COBLL1: variants seen among roughly 807,000 people sequenced by gnomAD.
The protein encoded by COBLL1 is cordon-bleu protein-like 1.
COBLL1 carries 50 observed loss-of-function variants against 94.8 expected under a neutral mutation model. That is an observed-to-expected ratio of 0.53 (90% CI 0.42 to 0.67). The LOEUF (loss-of-function observed/expected upper bound fraction) is 0.67, where lower values mean the gene tolerates loss of function less well. Among genes scored for constraint, COBLL1 ranks in the 30% least tolerant of loss-of-function variants. The probability of loss-of-function intolerance (pLI) is 0.00; values close to 1 mark genes in which losing one functional copy is unlikely to be tolerated. For synonymous variants in COBLL1, 448 were observed against 473.8 expected (o/e 0.95, Z 0.71); for missense variants, 1,362 against 1,348.7 (o/e 1.01, Z -0.15).
At chr2:164,673,055 T>G (rs1691272221) in intron 1 of COBLL1, among the ~76,000 whole-genome samples, 2 of 152,230 alleles carry the variant, frequency 1.3e-5, no homozygotes, top group Non-Finnish European at 2.9e-5. Context: ...TACTGAACTT[T>G]TCTCATGAAA....
intron 3 of COBLL1, among the ~76,000 whole-genome samples, chr2:164,730,718 C>T (rs191784964): frequency 6.6e-6 from 1 of 152,202 alleles, no homozygotes; most frequent in Admixed American, 6.5e-5. Flanking sequence ...TTTCCTTACC[C>T]AAGAGCAGTC....
intron 2 of COBLL1, among the ~76,000 whole-genome samples, chr2:164,779,265 TC>T (rs1326969468): frequency 6.6e-6 from 1 of 152,162 alleles, no homozygotes; most frequent in East Asian, 1.9e-4. Flanking sequence ...TCACAGGTTC[TC>T]TAATGAGAAA....
intron 2 of COBLL1, among the ~76,000 whole-genome samples, chr2:164,797,671 C>CAAG (rs934634199): frequency 6.6e-6 from 1 of 152,046 alleles, no homozygotes; most frequent in African/African-American, 2.4e-5. Flanking sequence ...CTTGTTTTTT[C>CAAG]AAGAAGTTCT....
At chr2:164,750,072 T>C (rs989345708) in intron 2 of COBLL1, among the ~76,000 whole-genome samples, 1 of 152,180 alleles carries the variant, frequency 6.6e-6, no homozygotes, top group Non-Finnish European at 1.5e-5. Context: ...TTCTACAACC[T>C]CCACCTCCAA....
At chr2:164,800,425 T>A in intron 2 of COBLL1, 2 of 623,868 alleles carry the variant, frequency 3.2e-6, no homozygotes, top group Non-Finnish European at 2.9e-6. Context: ...GATACTATGT[T>A]GGTGAGGATG....
intron 7 of COBLL1, among the ~76,000 whole-genome samples, chr2:164,710,293 C>T (rs1345992314): frequency 6.6e-6 from 1 of 152,014 alleles, no homozygotes; most frequent in African/African-American, 2.4e-5. Flanking sequence ...AAAGAAGGGA[C>T]ATTTAAGTTA....
intron 1 of COBLL1, among the ~76,000 whole-genome samples, chr2:164,670,836 C>T (rs924653874): frequency 4.6e-5 from 7 of 152,120 alleles, no homozygotes; most frequent in Admixed American, 3.9e-4. Context: ...CACTGAATTA[C>T]TTCTCAGAAC....
chr2:164,753,341 C>A (rs1047480440), intron 2 of COBLL1, among the ~76,000 whole-genome samples: 1 of 152,170 alleles, frequency 6.6e-6, no homozygotes, highest in Admixed American at 6.6e-5. Flanking sequence ...TCACTTCAGG[C>A]TTTCTGCCCC....
chr2:164,742,935 G>T (rs147037934), intron 3 of COBLL1, among the ~76,000 whole-genome samples: 2 of 152,206 alleles, frequency 1.3e-5, no homozygotes, highest in African/African-American at 4.8e-5. Context: ...ATAACAAATA[G>T]GCAGTTGAAG....
chr2:164,718,940 A>G (rs997318607), intron 7 of COBLL1, among the ~76,000 whole-genome samples: 1 of 152,080 alleles, frequency 6.6e-6, no homozygotes, highest in Non-Finnish European at 1.5e-5. Context: ...AAAAAGTTTA[A>G]AAGTAAAATT....
intron 2 of COBLL1, among the ~76,000 whole-genome samples, chr2:164,745,579 G>T (rs1304100185): frequency 6.6e-6 from 1 of 152,142 alleles, no homozygotes; most frequent in African/African-American, 2.4e-5. Flanking sequence ...TCGCCCCAAA[G>T]GATTGACAGG....
Position 164,680,673 on chromosome 2 carries a change from G to T in COBLL1, c.*5273C>A, listed in dbSNP as rs1682997636. On this transcript the variant is annotated 3_prime_UTR_variant, in exon 14 of 14. Coordinates refer to ENST00000652658, the MANE Select transcript of COBLL1 (RefSeq NM_001365672.2). ...CCAGATTTAGCTAAGAAAAATACAG[G>T]ATGCCTAGTTAGCTTGAACGTCAGA... The T allele has an allele frequency of 6.6e-6, 1 of 152,028 alleles. No homozygotes were observed. Among genetic ancestry groups the T allele is most frequent in the Non-Finnish European group, 1.5e-5 (1 of 67,998 alleles). 9.4% of individuals were successfully genotyped at this position (152,028 alleles called of 1,614,324 possible).
intron 2 of COBLL1, among the ~76,000 whole-genome samples, chr2:164,747,253 G>T (rs1160866907): frequency 6.6e-6 from 1 of 152,032 alleles, no homozygotes; most frequent in East Asian, 1.9e-4. Context: ...ATACACACTG[G>T]ATTTATTAGC....
chr2:164,771,742 TC>T (rs1359574230), intron 2 of COBLL1, among the ~76,000 whole-genome samples: 1 of 152,076 alleles, frequency 6.6e-6, no homozygotes, highest in Non-Finnish European at 1.5e-5. Flanking sequence ...TAAATTACTA[TC>T]TACTTTCCTT....
chr2:164,702,572 A>AT (rs1553469780), intron 9 of COBLL1, among the ~76,000 whole-genome samples: 10 of 144,552 alleles, frequency 6.9e-5, no homozygotes, highest in South Asian at 4.2e-4. Flanking sequence ...AAAAAAAAAA[A>AT]AAAAATAATA....
chr2:164,688,297 G>A (rs554030099), intron 13 of COBLL1, among the ~76,000 whole-genome samples: 1 of 152,206 alleles, frequency 6.6e-6, no homozygotes, highest in East Asian at 1.9e-4. Flanking sequence ...TAGAATACTA[G>A]TTTACGCATT....
chr2:164,837,502 C>CAA (rs200406641), intron 2 of COBLL1: 486 of 375,408 alleles, frequency 1.3e-3, no homozygotes, highest in East Asian at 5.3e-3. Context: ...TTGCTCTCTG[C>CAA]AAAAAAAAAA....
At chr2:164,801,394 G>C (rs868586967) in intron 2 of COBLL1, among the ~76,000 whole-genome samples, 3 of 129,290 alleles carry the variant, frequency 2.3e-5, no homozygotes, top group Non-Finnish European at 4.7e-5. Flanking sequence ...AGCCGAGATC[G>C]CGCCACTGCA....
chr2:164,818,599 GCA>G (rs1684982420), intron 2 of COBLL1, among the ~76,000 whole-genome samples: 1 of 139,226 alleles, frequency 7.2e-6, no homozygotes, highest in African/African-American at 3.0e-5. Flanking sequence ...CACATATATA[GCA>G]TATGTGTACA....
Sources: gnomAD v4.1 joint callset for allele counts (sites outside exome capture counted in the v4.1 genomes callset) on GRCh38, gnomAD v4.1.1 for gene constraint, MANE v1.5 for transcripts, NCBI Gene and HGNC (gene_info 2026-07-23, HGNC 2026-07-21) for gene names.